Variants in PACRG observed in about 807,000 individuals in gnomAD.
PACRG encodes the protein parkin coregulated gene protein.
A neutral mutation model predicts 29.7 loss-of-function variants in PACRG; 29 were observed. The ratio of observed to expected loss-of-function variants is 0.98; its 90% confidence interval spans 0.73 to 1.33. The LOEUF is 1.33. Among genes scored for constraint, PACRG ranks in the 40% most tolerant of loss-of-function variants. The pLI is 0.00. For synonymous variants in PACRG, 116 were observed against 118.7 expected (o/e 0.98, Z 0.15); for missense variants, 279 against 316.2 (o/e 0.88, Z 0.89).
At chr6:162,947,853 A>C (rs1163409579) in intron 2 of PACRG, among the ~76,000 whole-genome samples, 1 of 151,376 alleles carries the variant, frequency 6.6e-6, no homozygotes, top group Non-Finnish European at 1.5e-5. Flanking sequence ...CAAGGAGGTG[A>C]AACACCTCTA....
chr6:163,238,544 T>C (rs1397866777), intron 4 of PACRG, among the ~76,000 whole-genome samples: 1 of 152,218 alleles, frequency 6.6e-6, no homozygotes, highest in African/African-American at 2.4e-5. Flanking sequence ...AAGAAGTGAT[T>C]TGACATTGGC....
At chr6:163,162,066 T>C (rs1483640344) in intron 4 of PACRG, among the ~76,000 whole-genome samples, 1 of 152,206 alleles carries the variant, frequency 6.6e-6, no homozygotes, top group African/African-American at 2.4e-5. Flanking sequence ...AGAAAACACC[T>C]GTCCCACAGC....
chr6:163,005,855 T>G (rs1805024774), intron 2 of PACRG, among the ~76,000 whole-genome samples: 1 of 147,080 alleles, frequency 6.8e-6, no homozygotes, highest in African/African-American at 2.5e-5. Context: ...ACGTGTTATA[T>G]ATATACAACA....
intron 2 of PACRG, among the ~76,000 whole-genome samples, chr6:162,969,586 C>T (rs1283951627): frequency 6.6e-6 from 1 of 152,078 alleles, no homozygotes; most frequent in Non-Finnish European, 1.5e-5. Flanking sequence ...TTTTAAAACC[C>T]TAATCTCTCT....
rs1803522005 is a variant in PACRG, at chr6:162,992,417, C to A, written c.292-69733C>A. Among the ~76,000 whole-genome samples the A allele has an allele frequency of 2.0e-5, 3 of 147,550 alleles. No individual in the cohort carries two copies. The South Asian group carries it at 6.6e-4, about 33-fold the overall frequency. On this transcript the variant is annotated intron_variant, in intron 2 of 4. Transcript: ENST00000366888. Reference sequence around the variant, plus strand: ...CTATTGATTATTGCCCCAATTTCAGCTCCTGTTATTGGTCTATTCAGAGAT... The same window carrying A: ...CTATTGATTATTGCCCCAATTTCAGATCCTGTTATTGGTCTATTCAGAGAT...
intron 2 of PACRG, among the ~76,000 whole-genome samples, chr6:162,848,316 C>T (rs1054390662): frequency 3.9e-5 from 6 of 152,202 alleles, no homozygotes; most frequent in African/African-American, 1.4e-4. Flanking sequence ...GCTTTAGGAG[C>T]AGCAGTCAGG....
intron 1 of PACRG, among the ~76,000 whole-genome samples, chr6:162,729,362 G>A (rs1000809601): frequency 1.3e-5 from 2 of 152,030 alleles, no homozygotes; most frequent in Non-Finnish European, 2.9e-5. Flanking sequence ...TATTTCCTTT[G>A]CTTATAGGTT....
intron 4 of PACRG, among the ~76,000 whole-genome samples, chr6:163,237,888 G>C (rs974103664): frequency 3.9e-5 from 6 of 152,138 alleles, no homozygotes; most frequent in African/African-American, 1.4e-4. Context: ...TGTCCTGTTT[G>C]ACATCAATGA....
intron 2 of PACRG, among the ~76,000 whole-genome samples, chr6:162,903,046 G>T (rs1795667173): frequency 6.6e-6 from 1 of 152,154 alleles, no homozygotes; most frequent in South Asian, 2.1e-4. Flanking sequence ...GGGTTTTAAA[G>T]ATCCAAAGCT....
At chr6:162,934,643 G>A (rs1242050554) in intron 2 of PACRG, among the ~76,000 whole-genome samples, 1 of 152,038 alleles carries the variant, frequency 6.6e-6, no homozygotes, top group Non-Finnish European at 1.5e-5. Context: ...TGATTATTTT[G>A]TATATCCTTT....
At chr6:163,006,722 T>G (rs1805153677) in intron 2 of PACRG, among the ~76,000 whole-genome samples, 1 of 152,074 alleles carries the variant, frequency 6.6e-6, no homozygotes, top group South Asian at 2.1e-4. Flanking sequence ...ATTTCTGTAC[T>G]CTGAAAACTA....
At chr6:163,218,670 G>A (rs1781461396) in intron 4 of PACRG, among the ~76,000 whole-genome samples, 1 of 152,166 alleles carries the variant, frequency 6.6e-6, no homozygotes, top group South Asian at 2.1e-4. Context: ...CATCTGCTCT[G>A]ATAACAGCCT....
At chr6:162,990,294 G>C (rs1329785176) in intron 2 of PACRG, among the ~76,000 whole-genome samples, 4 of 151,820 alleles carry the variant, frequency 2.6e-5, no homozygotes, top group Non-Finnish European at 1.5e-5. Flanking sequence ...TCTAGTTCTA[G>C]ATCCCTGAGA....
intron 4 of PACRG, 26 bp from the exon 5 acceptor site, chr6:163,314,801 C>A (rs896461617): frequency 1.2e-6 from 2 of 1,607,970 alleles, no homozygotes; most frequent in Non-Finnish European, 1.7e-6. Context: ...AAGTAACTGG[C>A]CTCTTTGTGT....
intron 2 of PACRG, among the ~76,000 whole-genome samples, chr6:162,968,639 A>G (rs79798407): frequency 0.011 from 1,737 of 152,312 alleles, 40 homozygotes; most frequent in African/African-American, 0.039. Context: ...TGAAGGAACC[A>G]TGTAGGTGGA....
chr6:163,213,069 T>C (rs548846336), intron 4 of PACRG, among the ~76,000 whole-genome samples: 46 of 152,298 alleles, frequency 3.0e-4, no homozygotes, highest in East Asian at 9.7e-4. Flanking sequence ...TGAGCCACCA[T>C]GCCCAACCAG....
intron 1 of PACRG, among the ~76,000 whole-genome samples, chr6:162,737,501 C>G (rs1780255299): frequency 6.6e-6 from 1 of 151,984 alleles, no homozygotes; most frequent in African/African-American, 2.4e-5. Flanking sequence ...ATTTTATTCC[C>G]CATTGCTTTG....
At chr6:163,109,642 C>T (rs879382129) in intron 4 of PACRG, among the ~76,000 whole-genome samples, 10 of 152,204 alleles carry the variant, frequency 6.6e-5, no homozygotes, top group Non-Finnish European at 1.3e-4. Context: ...CTAAGCACCT[C>T]CTCCCCTCAA....
At chr6:162,829,449 C>G (rs1393340523) in intron 2 of PACRG, among the ~76,000 whole-genome samples, 1 of 152,218 alleles carries the variant, frequency 6.6e-6, no homozygotes, top group Non-Finnish European at 1.5e-5. Flanking sequence ...TTGTTCTGAG[C>G]ATTCTTTCAT....
Sources: gnomAD v4.1 joint callset for allele counts (sites outside exome capture counted in the v4.1 genomes callset) on GRCh38, gnomAD v4.1.1 for gene constraint, MANE v1.5 for transcripts, NCBI Gene and HGNC (gene_info 2026-07-23, HGNC 2026-07-21) for gene names.